SHISAL1: variants seen among roughly 807,000 people sequenced by gnomAD.
SHISAL1 encodes shisa like 1.
SHISAL1 carries 9 observed loss-of-function variants against 22.6 expected under a neutral mutation model. The ratio of observed to expected loss-of-function variants is 0.40; its 90% CI spans 0.24 to 0.70. The LOEUF is 0.70. Ranked by LOEUF, SHISAL1 falls within the 30% of genes least tolerant of loss-of-function variation. SHISAL1 has a pLI of 0.39. For missense variants in SHISAL1, 246 were observed against 270.6 expected, an observed-to-expected ratio of 0.91 and a Z score of 0.64; for synonymous variants, 119 against 115.4, an observed-to-expected ratio of 1.03 and a Z score of -0.20.
At chr22:44,268,429 T>C (rs1569212176) in intron 4 of SHISAL1, among the ~76,000 whole-genome samples, 1 of 152,196 alleles carries the variant, frequency 6.6e-6, no homozygotes, top group Non-Finnish European at 1.5e-5. Context: ...AGCTGAAAGA[T>C]GACTTAGAAG....
intron 2 of SHISAL1, among the ~76,000 whole-genome samples, chr22:44,298,131 T>C (rs746750169): frequency 1.3e-5 from 2 of 152,102 alleles, no homozygotes; most frequent in Non-Finnish European, 2.9e-5. Context: ...GAGAGAAAGG[T>C]CTCAGCTTTT....
intron 3 of SHISAL1, among the ~76,000 whole-genome samples, chr22:44,290,942 C>A (rs2055348814): frequency 6.6e-6 from 1 of 152,098 alleles, no homozygotes; most frequent in Non-Finnish European, 1.5e-5. Flanking sequence ...GGGCTTTGGG[C>A]CTGGATATAC....
At chr22:44,263,952 G>T (rs1425569617) in intron 4 of SHISAL1, among the ~76,000 whole-genome samples, 1 of 152,214 alleles carries the variant, frequency 6.6e-6, no homozygotes, top group Admixed American at 6.5e-5. Context: ...ACCCAAGAGA[G>T]ATGTGTGCAT....
intron 3 of SHISAL1, among the ~76,000 whole-genome samples, chr22:44,292,692 A>G (rs538954504): frequency 6.6e-6 from 1 of 152,274 alleles, no homozygotes; most frequent in East Asian, 1.9e-4. Flanking sequence ...CCGCTCCCCA[A>G]GGCTCATCCT....
At chr22:44,252,717 G>A (rs771180037) in intron 4 of SHISAL1, among the ~76,000 whole-genome samples, 32 of 152,090 alleles carry the variant, frequency 2.1e-4, no homozygotes, top group Non-Finnish European at 3.2e-4. Context: ...GGGCAGGGCC[G>A]GGCGTGGTGG....
At chr22:44,278,034 T>C (rs891739762) in intron 4 of SHISAL1, among the ~76,000 whole-genome samples, 12 of 152,110 alleles carry the variant, frequency 7.9e-5, no homozygotes, top group Admixed American at 5.2e-4. Context: ...GGATGCAAAG[T>C]ATTGATCCTG....
intron 3 of SHISAL1, 38 bp downstream of exon 3, chr22:44,296,634 C>A (rs1241442349): frequency 6.3e-7 from 1 of 1,594,442 alleles, no homozygotes; most frequent in Non-Finnish European, 8.6e-7. Context: ...TGCCTGGGGC[C>A]CGAGGCAGTG....
At chr22:44,295,730 A>G (rs1012391890) in intron 3 of SHISAL1, among the ~76,000 whole-genome samples, 1 of 152,226 alleles carries the variant, frequency 6.6e-6, no homozygotes, top group Non-Finnish European at 1.5e-5. Context: ...GAAAAATGAC[A>G]GAAGACATAA....
the SHISAL1 span, among the ~76,000 whole-genome samples, chr22:44,326,726 G>T: frequency 6.6e-6 from 1 of 152,080 alleles, no homozygotes; most frequent in African/African-American, 2.4e-5. Context: ...GAGCAGGCTG[G>T]GGGGTATGGG....
chr22:44,330,661 C>G, the SHISAL1 span, among the ~76,000 whole-genome samples: 10 of 143,238 alleles, frequency 7.0e-5, no homozygotes, highest in South Asian at 1.1e-3. Flanking sequence ...CTTTTTCCCC[C>G]TGTTTTTTTT....
intron 4 of SHISAL1, among the ~76,000 whole-genome samples, chr22:44,284,939 C>CTTCCTTCA (rs1398640679): frequency 1.3e-5 from 2 of 151,932 alleles, no homozygotes; most frequent in African/African-American, 2.4e-5. Context: ...TCCTTCCTTC[C>CTTCCTTCA]TTCACAGCCT....
intron 4 of SHISAL1, among the ~76,000 whole-genome samples, chr22:44,265,743 C>A (rs182202188): frequency 4.7e-4 from 71 of 152,326 alleles, no homozygotes; most frequent in African/African-American, 1.6e-3. Context: ...ATCTGGACAT[C>A]CCTCTACTCT....
At chr22:44,328,629 G>A in the SHISAL1 span, among the ~76,000 whole-genome samples, 1 of 152,092 alleles carries the variant, frequency 6.6e-6, no homozygotes, top group South Asian at 2.1e-4. Context: ...CCTTTGGGGT[G>A]GGGCTGGAGA....
At chr22:44,251,757 C>T (rs928960812) in intron 4 of SHISAL1, among the ~76,000 whole-genome samples, 3 of 152,160 alleles carry the variant, frequency 2.0e-5, no homozygotes, top group Non-Finnish European at 4.4e-5. Flanking sequence ...GACCTGCCCC[C>T]ATGATTCAAT....
chr22:44,265,147 G>C (rs1046775569), intron 4 of SHISAL1, among the ~76,000 whole-genome samples: 1 of 152,176 alleles, frequency 6.6e-6, no homozygotes, highest in Non-Finnish European at 1.5e-5. Flanking sequence ...GGCCTCCAAA[G>C]AATCTACCTT....
In SHISAL1 at chr22:44,285,414, T is replaced by A; in HGVS notation, c.599+14A>T. On this transcript the variant is annotated intron_variant, in intron 4 of 4. Transcript: ENST00000381176. ...TGACCCAAATCATTCTGGGTCTCAATTGTAGCCACTCACCAGGCAGACGAA... is the reference window on the plus strand; with the variant it reads ...TGACCCAAATCATTCTGGGTCTCAAATGTAGCCACTCACCAGGCAGACGAA... 1 of 1,613,510 alleles carries A rather than the reference T, an allele frequency of 6.2e-7. No homozygotes were observed. The highest frequency in any genetic ancestry group is 1.3e-5 in the African/African-American group (1 of 75,046).
the SHISAL1 span, among the ~76,000 whole-genome samples, chr22:44,326,855 T>C: frequency 8.5e-5 from 13 of 152,146 alleles, no homozygotes; most frequent in Non-Finnish European, 4.4e-5. Context: ...TCTGAAGCCC[T>C]TTCCTAAAAG....
intron 4 of SHISAL1, among the ~76,000 whole-genome samples, chr22:44,261,478 A>C (rs1451225190): frequency 1.3e-5 from 2 of 152,140 alleles, no homozygotes; most frequent in South Asian, 4.1e-4. Flanking sequence ...CCATGGCCTC[A>C]ATGTCAGACA....
chr22:44,326,249 C>A, the SHISAL1 span, among the ~76,000 whole-genome samples: 1 of 152,120 alleles, frequency 6.6e-6, no homozygotes, highest in African/African-American at 2.4e-5. Flanking sequence ...AGGAATTTGC[C>A]TTTATTTTTA....
Sources: gnomAD v4.1 joint callset for allele counts (sites outside exome capture counted in the v4.1 genomes callset) on GRCh38, gnomAD v4.1.1 for gene constraint, MANE v1.5 for transcripts, NCBI Gene and HGNC (gene_info 2026-07-23, HGNC 2026-07-21) for gene names.